VPS13D: variants seen among roughly 807,000 people sequenced by gnomAD.
VPS13D encodes vacuolar protein sorting 13 homolog D.
In VPS13D, 187 loss-of-function variants were observed where a neutral mutation model predicts 461.9. That is an observed-to-expected ratio of 0.40 (90% CI 0.36 to 0.46). The LOEUF is 0.46. Among genes scored for constraint, VPS13D ranks in the 20% least tolerant of loss-of-function variants. The probability of loss-of-function intolerance (pLI) is 0.60; values close to 1 mark genes in which losing one functional copy is unlikely to be tolerated. For missense variants in VPS13D, 4,711 were observed against 5,364.9 expected, an observed-to-expected ratio of 0.88 and a Z score of 3.81; for synonymous variants, 1,951 against 1,986.3, an observed-to-expected ratio of 0.98 and a Z score of 0.47.
At chr1:12,435,455 T>A (rs1391212900) in intron 65 of VPS13D, among the ~76,000 whole-genome samples, 1 of 152,126 alleles carries the variant, frequency 6.6e-6, no homozygotes, top group Non-Finnish European at 1.5e-5. Context: ...AGCAGGACCC[T>A]GTCTGAACAA....
chr1:12,452,666 T>A (rs1208162620), intron 65 of VPS13D, among the ~76,000 whole-genome samples: 1 of 152,250 alleles, frequency 6.6e-6, no homozygotes, highest in Non-Finnish European at 1.5e-5. Context: ...CAGAGTGCAG[T>A]GAACTGGCCC....
At chr1:12,309,531 G>A (rs376429971) in intron 27 of VPS13D, among the ~76,000 whole-genome samples, 15 of 149,958 alleles carry the variant, frequency 1.0e-4, no homozygotes, top group African/African-American at 3.4e-4. Flanking sequence ...AGGTCGAGGC[G>A]GCAGATCACA....
In VPS13D at chr1:12,341,804, G is replaced by A. The variant is rs534770722; in HGVS notation, c.8651G>A (p.Arg2884Gln). The A allele has an allele frequency of 2.5e-6, 4 of 1,613,908 alleles. No individual in the cohort carries two copies. Among genetic ancestry groups the A allele is most frequent in the South Asian group, 1.1e-5 (1 of 91,068 alleles). ...ARAEVKTPKR[R>Q]QPFVPFALRN... Reference sequence around the variant, plus strand: ...GCAGAGGTGAAAACCCCCAAGCGCCGGCAGCCATTTGTCCCCTTTGCTCTG... The same window carrying A: ...GCAGAGGTGAAAACCCCCAAGCGCCAGCAGCCATTTGTCCCCTTTGCTCTG... Residue 2884 changes from arginine to glutamine, a missense_variant, in exon 41 of 70, where the codon CGG becomes CAG. Transcript: ENST00000620676.
chr1:12,237,239 T>TA (rs1206647010), intron 2 of VPS13D, among the ~76,000 whole-genome samples: 2 of 136,700 alleles, frequency 1.5e-5, no homozygotes, highest in Non-Finnish European at 3.2e-5. Flanking sequence ...TAAAGACAAA[T>TA]AAAAAAAATA....
chr1:12,433,506 G>A (rs970584950), intron 65 of VPS13D, among the ~76,000 whole-genome samples: 1 of 152,216 alleles, frequency 6.6e-6, no homozygotes, highest in Non-Finnish European at 1.5e-5. Context: ...TCTGTGAAGA[G>A]TATTAGTTGT....
At chr1:12,482,149 A>T (rs1191497528) in intron 67 of VPS13D, among the ~76,000 whole-genome samples, 1 of 152,204 alleles carries the variant, frequency 6.6e-6, no homozygotes, top group African/African-American at 2.4e-5. Flanking sequence ...TAACAAAGCA[A>T]CTTTCACGGC....
chr1:12,238,113 C>T (rs1366016873), intron 2 of VPS13D, among the ~76,000 whole-genome samples: 2 of 149,930 alleles, frequency 1.3e-5, no homozygotes, highest in Non-Finnish European at 3.0e-5. Flanking sequence ...GCGATGTCAC[C>T]ACTGTACTCC....
intron 67 of VPS13D, among the ~76,000 whole-genome samples, chr1:12,486,347 G>A (rs1645796832): frequency 6.6e-6 from 1 of 152,170 alleles, no homozygotes; most frequent in Non-Finnish European, 1.5e-5. Context: ...TAAAACTTGG[G>A]TCCAAAATAA....
At position 12,445,549 on chromosome 1, in the gene VPS13D, G is replaced by T. The variant is rs115464779; in HGVS notation, c.12334-10449G>T. On this transcript the variant is annotated intron_variant, in intron 65 of 69. Coordinates refer to ENST00000620676, the MANE Select transcript of VPS13D (RefSeq NM_015378.4). The stretch of plus-strand genomic sequence containing the variant: ...CCAGGTCACCCTTTGTGGATTGAGA[G>T]ATAGCAAAGGTTGGAATGACGACTG... 5.4e-3 allele frequency among the ~76,000 whole-genome samples: 823 copies of T among 152,324 alleles called. 6 individuals are homozygous for T. Among genetic ancestry groups the T allele is most frequent in the African/African-American group, 0.018 (748 of 41,572 alleles).
chr1:12,381,980 T>TTCTTTCTTTCTCTC (rs1318974573), intron 57 of VPS13D, among the ~76,000 whole-genome samples: 1 of 131,184 alleles, frequency 7.6e-6, no homozygotes. Flanking sequence ...CTTTCTTTCT[T>TTCTTTCTTTCTCTC]TCTCTCTCTC....
At chr1:12,399,438 G>A (rs902996195) in intron 60 of VPS13D, among the ~76,000 whole-genome samples, 4 of 151,340 alleles carry the variant, frequency 2.6e-5, no homozygotes, top group East Asian at 2.0e-4. Context: ...CTCGTGATCC[G>A]CCTGCCGCAA....
At chr1:12,432,290 G>T (rs1373000199) in intron 65 of VPS13D, among the ~76,000 whole-genome samples, 1 of 152,046 alleles carries the variant, frequency 6.6e-6, no homozygotes, top group Non-Finnish European at 1.5e-5. Flanking sequence ...CTACTTGGAA[G>T]GCTGAGGCAG....
chr1:12,475,328 C>G (rs914146532), intron 67 of VPS13D, among the ~76,000 whole-genome samples: 1 of 152,152 alleles, frequency 6.6e-6, no homozygotes, highest in African/African-American at 2.4e-5. Flanking sequence ...GAGGGTCATC[C>G]TTGCCCTGGT....
At chr1:12,278,491 T>G (rs1044659939) in intron 19 of VPS13D, among the ~76,000 whole-genome samples, 7 of 152,186 alleles carry the variant, frequency 4.6e-5, no homozygotes, top group South Asian at 2.1e-4. Flanking sequence ...GCCAGGCTGG[T>G]CTCGAACTCG....
intron 38 of VPS13D, 82 bp from the exon 39 acceptor site, chr1:12,335,623 T>C: frequency 1.3e-6 from 2 of 1,511,638 alleles, no homozygotes; most frequent in Non-Finnish European, 1.8e-6. Flanking sequence ...CAATAAAAGC[T>C]TGTTTTGCTG....
At chr1:12,459,134 G>A (rs1418878934) in intron 66 of VPS13D, among the ~76,000 whole-genome samples, 1 of 152,168 alleles carries the variant, frequency 6.6e-6, no homozygotes, top group Admixed American at 6.5e-5. Context: ...CATATCCACA[G>A]ATTCAGCCAA....
At chr1:12,460,447 G>A (rs1344771849) in intron 67 of VPS13D, 51 bp downstream of exon 67, 1 of 1,483,274 alleles carries the variant, frequency 6.7e-7, no homozygotes. Flanking sequence ...TAGGTCTGCT[G>A]CTTCTCCTAA....
At chr1:12,415,463 A>G (rs949012637) in intron 64 of VPS13D, among the ~76,000 whole-genome samples, 3 of 152,100 alleles carry the variant, frequency 2.0e-5, no homozygotes, top group Non-Finnish European at 4.4e-5. Context: ...GGTTCCTGCT[A>G]GATTAATCAT....
At chr1:12,325,884 T>C (rs1181472213) in intron 35 of VPS13D, among the ~76,000 whole-genome samples, 1 of 152,094 alleles carries the variant, frequency 6.6e-6, no homozygotes, top group Non-Finnish European at 1.5e-5. Context: ...CTTTTGTCTA[T>C]GTCTTTTAAG....
Sources: gnomAD v4.1 joint callset for allele counts (sites outside exome capture counted in the v4.1 genomes callset) on GRCh38, gnomAD v4.1.1 for gene constraint, MANE v1.5 for transcripts, NCBI Gene and HGNC (gene_info 2026-07-23, HGNC 2026-07-21) for gene names.